The following C9orf50 variants were observed in gnomAD, a reference collection of about 807,000 sequenced individuals.
C9orf50 encodes uncharacterized protein C9orf50.
Under a neutral mutation model 42.5 loss-of-function variants are expected in C9orf50, and 33 were observed. The observed-to-expected ratio is 0.78, with a 90% CI of 0.59 to 1.04. C9orf50 has a LOEUF of 1.04. Among genes scored for constraint, C9orf50 ranks in the 50% least tolerant of loss-of-function variants. C9orf50 has a pLI of 0.00. For missense variants in C9orf50, 547 were observed against 594.3 expected, an observed-to-expected ratio of 0.92 and a Z score of 0.83; for synonymous variants, 257 against 273.4, an observed-to-expected ratio of 0.94 and a Z score of 0.59.
chr9:129,620,292 CCCG>C lies in C9orf50; in HGVS notation c.280_282del (p.Arg94del). On this transcript the variant is annotated inframe_deletion, in exon 1 of 7. Transcript: ENST00000372478. This position sits in a 1 kb window ranked among gnomAD's most constrained non-coding sequence, Gnocchi z 5.8. ...GGCGGCAGCAGGGACCGCAGCAGCC[CCCG>C]CTTCCGCACGGCCCGCCGGGTCGCG... is the stretch of plus-strand genomic sequence containing the variant. The C allele has an allele frequency of 7.9e-7, 1 of 1,261,492 alleles. No individual in the cohort carries two copies. Among genetic ancestry groups the C allele is most frequent in the Non-Finnish European group, 1.0e-6 (1 of 1,000,630 alleles). 78.1% of individuals were successfully genotyped at this position (1,261,492 alleles called of 1,614,324 possible). A position where few individuals can be genotyped will look rare whatever the true frequency, so the allele number is the denominator to read the frequency against.
chr9:129,621,067 C>G (rs1422174623), upstream of C9orf50, among the ~76,000 whole-genome samples: 1 of 152,254 alleles, frequency 6.6e-6, no homozygotes, highest in African/African-American at 2.4e-5. Flanking sequence ...TCTCTGCAGC[C>G]GTGAAACGGC....
chr9:129,618,750 T>C (rs1290732748), intron 3 of C9orf50, among the ~76,000 whole-genome samples: 1 of 152,040 alleles, frequency 6.6e-6, no homozygotes, highest in Non-Finnish European at 1.5e-5. Context: ...TGGAGTGCAA[T>C]GGCACAATCT....
In C9orf50 at chr9:129,620,394, ACGCGG is replaced by A; in HGVS notation, c.176_180del (p.Ala59ValfsTer93). 8.1e-7 allele frequency: 1 copy of A among 1,232,202 alleles called. No homozygotes were observed. The highest frequency in any genetic ancestry group is 1.0e-6 in the Non-Finnish European group (1 of 988,236). The allele number at this position is 1,232,202 out of a possible 1,614,324, so 76.3% of individuals were successfully genotyped here. A position where few individuals can be genotyped will look rare whatever the true frequency, so the allele number is the denominator to read the frequency against. On this transcript the variant is annotated frameshift_variant, in exon 1 of 7. Coordinates refer to ENST00000372478, the Ensembl canonical transcript of C9orf50. LOFTEE classifies it high-confidence loss of function. This position sits in a 1 kb window ranked among gnomAD's most constrained non-coding sequence, Gnocchi z 5.8. ...GGCTTGGCGTCCCCTTCCGGCCACC[ACGCGG>A]CGCCGCCCCCCGGGATCCTCCAGTC...
In C9orf50 at chr9:129,620,121, G is replaced by A. The variant is rs1156865376; in HGVS notation, c.454C>T (p.Arg152Cys). ...TCCTGGAGCTGGTGCAGGAACTCAC[G>A]GAACCTGCTGGGGAGGAGCTCTCCT... is the stretch of plus-strand genomic sequence containing the variant. Residue 152 changes from arginine (R) to cysteine (C), a missense_variant, in exon 1 of 7, where the codon CGT (arginine) becomes TGT (cysteine). Around this residue, in one of 3 missense-constraint regions of C9orf50, gnomAD observed 108 missense variants for 172.1 expected, o/e 0.63. Coordinates refer to ENST00000372478, the Ensembl canonical transcript of C9orf50. This position sits in a 1 kb window ranked among gnomAD's most constrained non-coding sequence, Gnocchi z 5.8. 4.1e-5 allele frequency: 59 copies of A among 1,454,514 alleles called. No individual in the cohort carries two copies. Among genetic ancestry groups the A allele is most frequent in the Non-Finnish European group, 5.2e-5 (57 of 1,101,736 alleles). 90.1% of individuals were successfully genotyped at this position (1,454,514 alleles called of 1,614,324 possible). A position where few individuals can be genotyped will look rare whatever the true frequency, so the allele number is the denominator to read the frequency against.
rs1830251502 is a variant in C9orf50, at chr9:129,614,462, G to A, written c.881-865C>T. ...GCACATAGTGGGTGCTCAATAAACA[G>A]CTAGAGGACATTGACTGTTGGGGAC... On this transcript the variant is annotated intron_variant, in intron 4 of 6. Transcript: ENST00000372478. This position sits in a 1 kb window ranked among gnomAD's most constrained non-coding sequence, Gnocchi z 4.4. Among the ~76,000 whole-genome samples the A allele has an allele frequency of 6.6e-6, 1 of 152,226 alleles. No individual in the cohort carries two copies.
chr9:129,619,775 C>T (rs139103205), exon 2 of C9orf50: 8 of 1,614,048 alleles, frequency 5.0e-6, no homozygotes, highest in East Asian at 2.2e-5. Context: ...TGGGACACCG[C>T]GGAGACCCTG....
In C9orf50 at chr9:129,613,491, G is replaced by A. The variant is rs762979793; in HGVS notation, c.987C>T (p.Tyr329=). 3.1e-6 allele frequency: 5 copies of A among 1,614,172 alleles called. No individual in the cohort carries two copies. In the South Asian group the frequency reaches 3.3e-5, roughly 11 times the overall value. The change falls in exon 5 of 7, where the codon TAC becomes TAT. Residue 329 remains tyrosine, a synonymous_variant. Coordinates refer to ENST00000372478, the Ensembl canonical transcript of C9orf50. This position sits in a 1 kb window ranked among gnomAD's most constrained non-coding sequence, Gnocchi z 6.2. ...CCAGGGTCTCCTCCTTGGCCCCAGG[G>A]TACAGGGCTTTGGGCAAACTCTCCA...
At position 129,620,604 on chromosome 9, in the gene C9orf50, C is replaced by G; in HGVS notation, c.-30G>C. On this transcript the variant is annotated 5_prime_UTR_variant, in exon 1 of 7. Coordinates refer to ENST00000372478, the Ensembl canonical transcript of C9orf50. This position sits in a 1 kb window ranked among gnomAD's most constrained non-coding sequence, Gnocchi z 5.8. The stretch of plus-strand genomic sequence containing the variant: ...GGCCCCGCACTCAGCTCACCGCACC[C>G]TCAGCGCGCGTGGGTGGGGGGCGCC... 8 of 1,311,290 alleles carry G rather than the reference C, an allele frequency of 6.1e-6. No individual in the cohort carries two copies. Among genetic ancestry groups the G allele is most frequent in the Non-Finnish European group, 7.8e-6 (8 of 1,029,270 alleles). 81.2% of individuals were successfully genotyped at this position (1,311,290 alleles called of 1,614,324 possible). A position where few individuals can be genotyped will look rare whatever the true frequency, so the allele number is the denominator to read the frequency against.
chr9:129,613,200 G>C lies in C9orf50; in HGVS notation c.1095C>G (p.Ser365Arg). ...TCTTCCATGAACAGAAGGGCAGGCT[G>C]CTGTTCATGGAGGTGTCCTCAGAAA... Residue 365 changes from serine (S) to arginine (R), a missense_variant, in exon 6 of 7, where the codon AGC (serine) becomes AGG (arginine). Ser to Arg is a moderately radical substitution (Grantham distance 110). Around this residue, in one of 3 missense-constraint regions of C9orf50, gnomAD observed 334 missense variants for 323.7 expected, o/e 1.03. Coordinates refer to ENST00000372478, the Ensembl canonical transcript of C9orf50. This position sits in a 1 kb window ranked among gnomAD's most constrained non-coding sequence, Gnocchi z 6.2. 1 of 1,613,554 alleles carries C rather than the reference G, an allele frequency of 6.2e-7. No homozygotes were observed. Among genetic ancestry groups the C allele is most frequent in the Non-Finnish European group, 8.5e-7 (1 of 1,179,986 alleles).
chr9:129,612,395 C>T (rs1423140029), exon 7 of C9orf50: 4 of 1,613,916 alleles, frequency 2.5e-6, no homozygotes, highest in Non-Finnish European at 2.5e-6. Flanking sequence ...GGAGATGGTA[C>T]CCCTTAGGGC....
intron 3 of C9orf50, among the ~76,000 whole-genome samples, chr9:129,616,124 C>A (rs1193742811): frequency 6.6e-6 from 1 of 152,166 alleles, no homozygotes; most frequent in Non-Finnish European, 1.5e-5. Flanking sequence ...GCCCACCCTA[C>A]AGGGTTGTGA....
chr9:129,620,040 C>G lies in C9orf50; in HGVS notation c.508+27G>C. On this transcript the variant is annotated intron_variant, in intron 1 of 6. Transcript: ENST00000372478. The surrounding 1 kb of genome is among the most constrained non-coding windows in gnomAD (Gnocchi z 5.8). The stretch of plus-strand genomic sequence containing the variant: ...CCCCCCACCGGAAATGACTCGGGCC[C>G]GCCCCCCGGGCCCCGCGGGGCCTCA... 5 of 1,453,952 alleles carry G rather than the reference C, an allele frequency of 3.4e-6. No individual in the cohort carries two copies. The highest frequency in any genetic ancestry group is 4.5e-6 in the Non-Finnish European group (5 of 1,100,970). The allele number at this position is 1,453,952 out of a possible 1,614,324, so 90.1% of individuals were successfully genotyped here. A position where few individuals can be genotyped will look rare whatever the true frequency, so the allele number is the denominator to read the frequency against.
intron 6 of C9orf50, among the ~76,000 whole-genome samples, chr9:129,612,841 G>T (rs1830155411): frequency 6.6e-6 from 1 of 152,156 alleles, no homozygotes; most frequent in Non-Finnish European, 1.5e-5. Context: ...AAAAAGCAAA[G>T]AGAGGAGAGG....
At position 129,613,309 on chromosome 9, in the gene C9orf50, G is replaced by C; in HGVS notation, c.1044-58C>G. The C allele has an allele frequency of 6.4e-7, 1 of 1,565,972 alleles. No homozygotes were observed. The highest frequency in any genetic ancestry group is 8.7e-7 in the Non-Finnish European group (1 of 1,154,714). On this transcript the variant is annotated intron_variant, in intron 5 of 6. Transcript: ENST00000372478. The surrounding 1 kb of genome is among the most constrained non-coding windows in gnomAD (Gnocchi z 6.2). ...ACTCTGAGTCCCCGGCCCACCCATG[G>C]CTGGCAGGGCCCTTGAGGACCCACA...
At chr9:129,619,569 G>T (rs76476617) in exon 3 of C9orf50, 1 of 1,614,074 alleles carries the variant, frequency 6.2e-7, no homozygotes. Context: ...CCCTTCAGGG[G>T]CCCCAGAATA....
Position 129,613,390 on chromosome 9 carries a change from C to G in C9orf50, c.1043+45G>C, listed in dbSNP as rs1830183814. 1 of 1,602,964 alleles carries G rather than the reference C, an allele frequency of 6.2e-7. No homozygotes were observed. Among genetic ancestry groups the G allele is most frequent in the Non-Finnish European group, 8.5e-7 (1 of 1,173,072 alleles). On this transcript the variant is annotated intron_variant, in intron 5 of 6. Coordinates refer to ENST00000372478, the Ensembl canonical transcript of C9orf50. The surrounding 1 kb of genome is among the most constrained non-coding windows in gnomAD (Gnocchi z 6.2). ...GTCTGTAGGCAAGGGGGGTGGAGGG[C>G]CCTGGCAATGTCCACGAGTCCCATC... is the stretch of plus-strand genomic sequence containing the variant.
At chr9:129,615,452 G>T in intron 4 of C9orf50, 32 bp downstream of exon 4, 1 of 1,529,954 alleles carries the variant, frequency 6.5e-7, no homozygotes, top group South Asian at 1.3e-5. Context: ...GAACTTTCGG[G>T]AGTCTCGAGG....
At chr9:129,621,360 A>C (rs1007319788), upstream of C9orf50, among the ~76,000 whole-genome samples, 17 of 152,244 alleles carry the variant, frequency 1.1e-4, no homozygotes, top group African/African-American at 4.1e-4. Flanking sequence ...TTGTTGTTAA[A>C]GAGATGGGGT....
chr9:129,618,861 T>A (rs1397888737), intron 3 of C9orf50, among the ~76,000 whole-genome samples: 1 of 88,822 alleles, frequency 1.1e-5, no homozygotes, highest in African/African-American at 4.9e-5. Flanking sequence ...CCCGGCTAAT[T>A]TTTTGTGTTT....
Sources: allele counts gnomAD v4.1 joint callset (sites outside exome capture counted in the v4.1 genomes callset), GRCh38; gene constraint gnomAD v4.1.1; regional missense constraint gnomAD v4.1.1; non-coding constraint Gnocchi (gnomAD v3.1); transcripts MANE v1.5; gene names NCBI Gene and HGNC (gene_info 2026-07-23, HGNC 2026-07-21).